LINGO2: variants seen among roughly 807,000 people sequenced by gnomAD.
The protein encoded by LINGO2 is leucine rich repeat and Ig domain containing 2.
In LINGO2, 14 loss-of-function variants were observed where a neutral mutation model predicts 30.6. That is an observed-to-expected ratio of 0.46 (90% CI 0.30 to 0.72). The LOEUF is 0.72. Among genes scored for constraint, LINGO2 ranks in the 30% least tolerant of loss-of-function variants. The pLI is 0.07. For missense variants in LINGO2, 729 were observed against 751.7 expected (o/e 0.97, Z 0.35); for synonymous variants, 317 against 288.5 (o/e 1.10, Z -1.00).
chr9:28,721,403 C>A, the LINGO2 span, among the ~76,000 whole-genome samples: 512 of 152,192 alleles, frequency 3.4e-3, 3 homozygotes, highest in African/African-American at 0.012. Flanking sequence ...AGACTTGGAA[C>A]CAACCCAAAT....
chr9:28,432,732 T>C (rs891970661), intron 2 of LINGO2, among the ~76,000 whole-genome samples: 17 of 152,276 alleles, frequency 1.1e-4, no homozygotes, highest in Non-Finnish European at 1.8e-4. Context: ...TGTTATAAGA[T>C]ACATTTTGTA....
At chr9:29,025,078 G>A in the LINGO2 span, among the ~76,000 whole-genome samples, 3 of 152,044 alleles carry the variant, frequency 2.0e-5, no homozygotes, top group African/African-American at 4.8e-5. Flanking sequence ...ACTGATGGAT[G>A]AGAAAATGTT....
chr9:28,287,492 A>T (rs1823556755), intron 4 of LINGO2, among the ~76,000 whole-genome samples: 1 of 152,222 alleles, frequency 6.6e-6, no homozygotes, highest in African/African-American at 2.4e-5. Flanking sequence ...AATGGAAAGG[A>T]CATGATACAT....
chr9:28,705,486 T>C, the LINGO2 span, among the ~76,000 whole-genome samples: 1 of 152,062 alleles, frequency 6.6e-6, no homozygotes, highest in South Asian at 2.1e-4. Flanking sequence ...CTTATATCAG[T>C]TGGGACCTGA....
chr9:28,864,599 G>A, the LINGO2 span, among the ~76,000 whole-genome samples: 1 of 151,814 alleles, frequency 6.6e-6, no homozygotes, highest in African/African-American at 2.4e-5. Context: ...ATTTTTCAAA[G>A]TAACCATCAA....
At chr9:28,760,590 CTGGTGCACCCATCACCCCAGCAGTGTA>C in the LINGO2 span, among the ~76,000 whole-genome samples, 3 of 151,750 alleles carry the variant, frequency 2.0e-5, no homozygotes, top group African/African-American at 7.3e-5. Flanking sequence ...TTGTGAAATC[CTGGTGCACCCATCACCCCAGCAGTGTA>C]CATTGCACCA....
intron 2 of LINGO2, among the ~76,000 whole-genome samples, chr9:28,460,315 T>C (rs982089550): frequency 1.3e-5 from 2 of 152,168 alleles, no homozygotes; most frequent in African/African-American, 4.8e-5. Flanking sequence ...AGTTATTTTC[T>C]TGGGAATCAA....
chr9:28,828,417 A>T, the LINGO2 span, among the ~76,000 whole-genome samples: 1 of 152,308 alleles, frequency 6.6e-6, no homozygotes, highest in East Asian at 1.9e-4. Flanking sequence ...TGGTTTAAAA[A>T]TAGTGATGAG....
At chr9:29,199,639 T>G in the LINGO2 span, among the ~76,000 whole-genome samples, 6 of 152,100 alleles carry the variant, frequency 3.9e-5, no homozygotes, top group African/African-American at 1.4e-4. Flanking sequence ...CTGGGAAAAC[T>G]TTCATATTAA....
chr9:28,333,117 T>C (rs13295973), intron 3 of LINGO2, among the ~76,000 whole-genome samples: 27,012 of 152,126 alleles, frequency 0.18, 3,154 homozygotes, highest in Non-Finnish European at 0.26. Flanking sequence ...ACAGGAAACA[T>C]CACACTAGAA....
At chr9:28,718,818 T>C in the LINGO2 span, among the ~76,000 whole-genome samples, 1 of 152,076 alleles carries the variant, frequency 6.6e-6, no homozygotes, top group Non-Finnish European at 1.5e-5. Flanking sequence ...TTTTCTGTAC[T>C]TCCCCTCCTG....
chr9:28,071,267 A>G (rs1825467527), intron 4 of LINGO2, among the ~76,000 whole-genome samples: 1 of 152,164 alleles, frequency 6.6e-6, no homozygotes, highest in Admixed American at 6.6e-5. Flanking sequence ...AGCTCTTAAC[A>G]ACTATTGCCA....
intron 1 of LINGO2, among the ~76,000 whole-genome samples, chr9:28,477,089 C>G (rs1215707372): frequency 6.6e-6 from 1 of 152,186 alleles, no homozygotes; most frequent in Non-Finnish European, 1.5e-5. Flanking sequence ...CATTTGCACT[C>G]TCTCAAAAGA....
At chr9:29,148,319 A>C in the LINGO2 span, among the ~76,000 whole-genome samples, 1 of 152,176 alleles carries the variant, frequency 6.6e-6, no homozygotes, top group African/African-American at 2.4e-5. Flanking sequence ...TGTTTGAAGT[A>C]TCTTCTGATC....
At chr9:28,106,327 G>C (rs1237462913) in intron 4 of LINGO2, among the ~76,000 whole-genome samples, 1 of 152,070 alleles carries the variant, frequency 6.6e-6, no homozygotes, top group African/African-American at 2.4e-5. Flanking sequence ...AGAATCTTCA[G>C]AAAATTTTTC....
chr9:28,566,616 C>T (rs1823397239), intron 1 of LINGO2, among the ~76,000 whole-genome samples: 1 of 152,094 alleles, frequency 6.6e-6, no homozygotes, highest in African/African-American at 2.4e-5. Flanking sequence ...AATAAGCTGA[C>T]ACTTTTATTT....
At chr9:28,094,402 G>T (rs1489263844) in intron 4 of LINGO2, among the ~76,000 whole-genome samples, 1 of 151,944 alleles carries the variant, frequency 6.6e-6, no homozygotes, top group Non-Finnish European at 1.5e-5. Context: ...AAATGACTTC[G>T]GTGTATGCCA....
chr9:28,546,160 G>A lies in LINGO2; in HGVS notation c.-364-70135C>T, dbSNP rs143046020. ...AAGGGAGGTGTGAAAAAGAAAAAAG[G>A]CCTTTAGATCGATTAGTTTTCTTTT... On this transcript the variant is annotated intron_variant, in intron 1 of 5. Coordinates refer to ENST00000379992, the Ensembl canonical transcript of LINGO2. 2.6e-3 allele frequency among the ~76,000 whole-genome samples: 388 copies of A among 152,092 alleles called. 4 individuals carry two copies. The highest frequency in any genetic ancestry group is 9.0e-3 in the African/African-American group (373 of 41,528).
At chr9:29,198,638 A>T in the LINGO2 span, among the ~76,000 whole-genome samples, 1 of 152,250 alleles carries the variant, frequency 6.6e-6, no homozygotes, top group African/African-American at 2.4e-5. Context: ...AGCCATACAT[A>T]CATTGAATTA....
Sources: allele counts gnomAD v4.1 joint callset (sites outside exome capture counted in the v4.1 genomes callset), GRCh38; gene constraint gnomAD v4.1.1; transcripts MANE v1.5; gene names NCBI Gene and HGNC (gene_info 2026-07-23, HGNC 2026-07-21).